POR: variants seen among roughly 807,000 people sequenced by gnomAD.
POR encodes the protein NADPH--cytochrome P450 reductase.
A neutral mutation model predicts 84.0 loss-of-function variants in POR; 56 were observed. The observed-to-expected ratio is 0.67, with a 90% confidence interval of 0.54 to 0.83. POR has a LOEUF of 0.83. Ranked by LOEUF, POR falls within the 40% of genes least tolerant of loss-of-function variation. POR has a pLI of 0.00. For missense variants in POR, 938 were observed against 944.3 expected (o/e 0.99, Z 0.09); for synonymous variants, 414 against 400.5 (o/e 1.03, Z -0.40).
intron 4 of POR, among the ~76,000 whole-genome samples, 165 bp from the exon 5 acceptor site, chr7:75,980,174 T>C (rs1413969658): frequency 6.6e-6 from 1 of 152,186 alleles, no homozygotes; most frequent in Admixed American, 6.5e-5. Flanking sequence ...CAAATGCCCA[T>C]GCCCCAGCCC....
chr7:75,917,380 CTTCTT>C (rs1806622190), intron 1 of POR, among the ~76,000 whole-genome samples: 1 of 125,976 alleles, frequency 7.9e-6, no homozygotes, highest in African/African-American at 4.0e-5. Context: ...CTTATTTCTT[CTTCTT>C]TTTTTTTTTT....
intron 2 of POR, among the ~76,000 whole-genome samples, chr7:75,960,361 G>T (rs1174018879): frequency 2.0e-5 from 3 of 152,010 alleles, no homozygotes; most frequent in African/African-American, 7.2e-5. Context: ...ACTCACTCAG[G>T]TTGCACCTCT....
intron 1 of POR, among the ~76,000 whole-genome samples, chr7:75,941,788 G>T (rs1786929820): frequency 6.6e-6 from 1 of 152,080 alleles, no homozygotes; most frequent in Non-Finnish European, 1.5e-5. Flanking sequence ...GACCAGCCTG[G>T]GCAACTTAGC....
At chr7:75,928,081 C>T (rs1410213642) in intron 1 of POR, among the ~76,000 whole-genome samples, 6 of 150,478 alleles carry the variant, frequency 4.0e-5, no homozygotes, top group African/African-American at 1.5e-4. Context: ...AAGTGATTCT[C>T]CTGCCTCAGC....
chr7:75,979,786 C>T, intron 4 of POR: 1 of 654,736 alleles, frequency 1.5e-6, no homozygotes, highest in East Asian at 3.3e-5. Flanking sequence ...AGCCACGTGC[C>T]AGGCATCGTT....
intron 3 of POR, among the ~76,000 whole-genome samples, chr7:75,975,091 G>A (rs1788616142): frequency 6.6e-6 from 1 of 151,946 alleles, no homozygotes; most frequent in Non-Finnish European, 1.5e-5. Flanking sequence ...TTCTTTTCGT[G>A]ACTTCTGGTC....
intron 1 of POR, among the ~76,000 whole-genome samples, chr7:75,941,755 A>C (rs7807598): frequency 0.074 from 11,312 of 152,250 alleles, 1,315 homozygotes; most frequent in African/African-American, 0.25. Flanking sequence ...AGGCGGGAGA[A>C]TTGCTTGAGC....
intron 5 of POR, 151 bp downstream of exon 5, chr7:75,980,639 C>A: frequency 6.4e-7 from 1 of 1,563,140 alleles, no homozygotes; most frequent in Non-Finnish European, 8.6e-7. Context: ...CTCCTCTGCC[C>A]CAGACCCCAG....
intron 1 of POR, among the ~76,000 whole-genome samples, chr7:75,935,149 T>C (rs1297325642): frequency 3.3e-5 from 5 of 152,134 alleles, no homozygotes; most frequent in African/African-American, 4.8e-5. Flanking sequence ...GCCCAGGACC[T>C]TGGGAGCCCA....
intron 3 of POR, 141 bp from the exon 4 acceptor site, chr7:75,979,310 G>A (rs1563428870): frequency 2.0e-6 from 2 of 992,236 alleles, no homozygotes; most frequent in Non-Finnish European, 2.9e-6. Context: ...AAGTCCCAGA[G>A]GAACTTAGAA....
intron 2 of POR, chr7:75,970,918 T>A (rs1457856344): frequency 6.6e-6 from 1 of 150,860 alleles, no homozygotes; most frequent in African/African-American, 2.5e-5. Context: ...GCAGCTTGCC[T>A]TTCCTTCCTT....
chr7:75,919,550 GTTTA>G (rs1188891982), intron 1 of POR, among the ~76,000 whole-genome samples: 1 of 151,964 alleles, frequency 6.6e-6, no homozygotes. Context: ...CTCTCTGTAT[GTTTA>G]TTTATTTATT....
chr7:75,976,263 G>A (rs559251016), intron 3 of POR, among the ~76,000 whole-genome samples: 18 of 151,864 alleles, frequency 1.2e-4, no homozygotes, highest in African/African-American at 3.9e-4. Flanking sequence ...CCTTTTGGGC[G>A]AAAACCCTGT....
At chr7:75,950,523 C>G (rs1437425925) in intron 1 of POR, among the ~76,000 whole-genome samples, 1 of 152,142 alleles carries the variant, frequency 6.6e-6, no homozygotes, top group Non-Finnish European at 1.5e-5. Flanking sequence ...GCACTCCTGA[C>G]TGGTTCCAGT....
chr7:75,968,490 G>A (rs41296506), intron 2 of POR, among the ~76,000 whole-genome samples: 12 of 152,352 alleles, frequency 7.9e-5, no homozygotes, highest in African/African-American at 2.9e-4. Flanking sequence ...GAGGTCCTCC[G>A]ATGGAATGGA....
chr7:75,961,021 C>G (rs1162305854), intron 2 of POR, among the ~76,000 whole-genome samples: 2 of 152,048 alleles, frequency 1.3e-5, no homozygotes, highest in Admixed American at 6.6e-5. Context: ...TCACATGAGG[C>G]CAGGAGTTCA....
chr7:75,923,416 C>A, intron 1 of POR: 1 of 648,670 alleles, frequency 1.5e-6, no homozygotes. Context: ...GGGGTGTGTG[C>A]ATCAATCAGC....
chr7:75,983,735 C>T lies in POR; in HGVS notation c.948-3C>T, dbSNP rs1554558520. ...CCCTCCCGAGCCTCACATCTCCCTC[C>T]AGGTATGAATCTGGGGACCACGTGG... is the stretch of plus-strand genomic sequence containing the variant. On this transcript the variant is annotated splice_region_variant and splice_polypyrimidine_tract_variant and intron_variant, in intron 9 of 15. Transcript: ENST00000461988. 1.9e-6 allele frequency: 3 copies of T among 1,612,038 alleles called. No homozygotes were observed. The highest frequency in any genetic ancestry group is 1.7e-6 in the Non-Finnish European group (2 of 1,179,312).
intron 1 of POR, chr7:75,923,453 G>A: frequency 3.6e-6 from 2 of 551,038 alleles, no homozygotes; most frequent in Non-Finnish European, 6.5e-6. Context: ...CTAGAGCCAG[G>A]TGCCAAACTA....
Sources: gnomAD v4.1 joint callset for allele counts (sites outside exome capture counted in the v4.1 genomes callset) on GRCh38, gnomAD v4.1.1 for gene constraint, MANE v1.5 for transcripts, NCBI Gene and HGNC (gene_info 2026-07-23, HGNC 2026-07-21) for gene names.